The following LUZP2 variants were observed in gnomAD, a reference collection of about 807,000 sequenced individuals.
LUZP2 encodes leucine zipper protein 2.
LUZP2 carries 52 observed loss-of-function variants against 51.6 expected under a neutral mutation model. The ratio of observed to expected loss-of-function variants is 1.01; its 90% confidence interval spans 0.81 to 1.27. The LOEUF (loss-of-function observed/expected upper bound fraction) is 1.27, where lower values mean the gene tolerates loss of function less well. Ranked by LOEUF, LUZP2 falls within the 50% of genes most tolerant of loss-of-function variation. The pLI, the probability that LUZP2 is intolerant of heterozygous loss-of-function variation, is 0.00. For synonymous variants in LUZP2, 154 were observed against 137.3 expected (o/e 1.12, Z -0.85); for missense variants, 436 against 395.4 (o/e 1.10, Z -0.87).
intron 9 of LUZP2, among the ~76,000 whole-genome samples, chr11:25,025,185 T>C (rs1307909439): frequency 2.0e-5 from 3 of 152,100 alleles, no homozygotes; most frequent in Admixed American, 2.0e-4. Flanking sequence ...CCTAAAACCA[T>C]AAAAACCCTA....
chr11:24,714,256 C>T (rs1185136020), intron 1 of LUZP2, among the ~76,000 whole-genome samples: 1 of 151,806 alleles, frequency 6.6e-6, no homozygotes, highest in Admixed American at 6.6e-5. Flanking sequence ...ACACGTATAC[C>T]TATGTAACAA....
intron 7 of LUZP2, among the ~76,000 whole-genome samples, chr11:24,966,580 A>G (rs1242323622): frequency 6.7e-6 from 1 of 149,526 alleles, no homozygotes; most frequent in Non-Finnish European, 1.5e-5. Flanking sequence ...GAAAAGATCA[A>G]GGTTGATTTT....
At position 24,518,948 on chromosome 11, in the gene LUZP2, T is replaced by TG. The variant is rs1383495770; in HGVS notation, c.62+21644dup. ...CAGAGCTGAGTTCTGATTATTTTGA[T>TG]GCAGATCATACTCTATTTGTTGGTT... On this transcript the variant is annotated intron_variant, in intron 1 of 11. Coordinates refer to ENST00000336930, the MANE Select transcript of LUZP2 (RefSeq NM_001009909.4). 7.2e-5 allele frequency among the ~76,000 whole-genome samples: 11 copies of TG among 152,218 alleles called. No homozygotes were observed. In the East Asian group the frequency reaches 2.1e-3, roughly 29 times the overall value.
At chr11:24,988,976 G>GA (rs1856258736) in intron 9 of LUZP2, among the ~76,000 whole-genome samples, 1 of 151,686 alleles carries the variant, frequency 6.6e-6, no homozygotes, top group African/African-American at 2.4e-5. Context: ...GCCTGTGAGA[G>GA]AAAATAGGGA....
intron 9 of LUZP2, among the ~76,000 whole-genome samples, chr11:25,028,159 T>A (rs908753698): frequency 6.6e-6 from 1 of 152,128 alleles, no homozygotes; most frequent in African/African-American, 2.4e-5. Context: ...CACATCAGGG[T>A]AAATGGAGTA....
At chr11:24,538,269 G>A (rs1273155806) in intron 1 of LUZP2, among the ~76,000 whole-genome samples, 2 of 151,700 alleles carry the variant, frequency 1.3e-5, no homozygotes, top group African/African-American at 4.8e-5. Context: ...ACCTGTAAAA[G>A]AATGGATTTG....
At chr11:24,693,938 A>G (rs1449023626) in intron 1 of LUZP2, among the ~76,000 whole-genome samples, 1 of 152,078 alleles carries the variant, frequency 6.6e-6, no homozygotes, top group Non-Finnish European at 1.5e-5. Flanking sequence ...AATTAAAAGG[A>G]TTAATAATAA....
At chr11:24,872,356 T>A (rs1467954293) in intron 5 of LUZP2, among the ~76,000 whole-genome samples, 1 of 152,274 alleles carries the variant, frequency 6.6e-6, no homozygotes, top group South Asian at 2.1e-4. Context: ...CTGGAATGAT[T>A]TCACGCTGTA....
chr11:24,903,610 G>A (rs570329364), intron 5 of LUZP2, among the ~76,000 whole-genome samples: 2 of 152,096 alleles, frequency 1.3e-5, no homozygotes, highest in African/African-American at 4.8e-5. Context: ...CGTATAATAT[G>A]TACTTGTACC....
chr11:24,554,810 C>G (rs1170328211), intron 1 of LUZP2, among the ~76,000 whole-genome samples: 1 of 143,632 alleles, frequency 7.0e-6, no homozygotes. Context: ...TTATTTCATT[C>G]AAGTCCGGTA....
chr11:24,546,380 C>T (rs1195003324), intron 1 of LUZP2, among the ~76,000 whole-genome samples: 1 of 152,046 alleles, frequency 6.6e-6, no homozygotes, highest in Non-Finnish European at 1.5e-5. Context: ...GGAAATGCTT[C>T]CAGCTCCTCC....
intron 1 of LUZP2, among the ~76,000 whole-genome samples, chr11:24,625,896 T>C (rs1305560730): frequency 6.8e-6 from 1 of 147,650 alleles, no homozygotes; most frequent in Non-Finnish European, 1.5e-5. Context: ...GTACAGCATG[T>C]TTCCAGAAAA....
At chr11:24,612,262 A>C (rs1452534880) in intron 1 of LUZP2, among the ~76,000 whole-genome samples, 3 of 152,188 alleles carry the variant, frequency 2.0e-5, no homozygotes, top group Non-Finnish European at 4.4e-5. Context: ...ACTATCAGAG[A>C]TAGAAAATGC....
At chr11:24,643,646 A>C (rs1855375900) in intron 1 of LUZP2, among the ~76,000 whole-genome samples, 1 of 152,210 alleles carries the variant, frequency 6.6e-6, no homozygotes, top group Non-Finnish European at 1.5e-5. Flanking sequence ...AAGTTGTGTT[A>C]AATTATCCCG....
chr11:24,960,957 C>T (rs929529881), intron 7 of LUZP2, among the ~76,000 whole-genome samples: 5 of 151,958 alleles, frequency 3.3e-5, no homozygotes, highest in African/African-American at 1.2e-4. Context: ...TCTTTGTTCT[C>T]GTTGGTTTCA....
intron 5 of LUZP2, among the ~76,000 whole-genome samples, chr11:24,879,412 A>T (rs1852381819): frequency 6.6e-6 from 1 of 152,172 alleles, no homozygotes; most frequent in East Asian, 1.9e-4. Flanking sequence ...AGAATGATTT[A>T]TATTCATTTT....
At chr11:24,844,874 C>T (rs921107580) in intron 5 of LUZP2, among the ~76,000 whole-genome samples, 1 of 152,212 alleles carries the variant, frequency 6.6e-6, no homozygotes, top group South Asian at 2.1e-4. Flanking sequence ...GTTTGGGAAC[C>T]TCTGTCTACA....
At chr11:24,620,426 G>A (rs867494408) in intron 1 of LUZP2, among the ~76,000 whole-genome samples, 2 of 152,056 alleles carry the variant, frequency 1.3e-5, no homozygotes, top group Non-Finnish European at 1.5e-5. Context: ...ATTTAAAGAA[G>A]AGGCAATTGT....
intron 1 of LUZP2, among the ~76,000 whole-genome samples, chr11:24,654,195 T>G (rs1258104832): frequency 6.6e-6 from 1 of 152,174 alleles, no homozygotes; most frequent in Non-Finnish European, 1.5e-5. Context: ...ATAAGCCAGT[T>G]GGTAAGAACT....
Sources: allele counts gnomAD v4.1 joint callset (sites outside exome capture counted in the v4.1 genomes callset), GRCh38; gene constraint gnomAD v4.1.1; transcripts MANE v1.5; gene names NCBI Gene and HGNC (gene_info 2026-07-23, HGNC 2026-07-21).